HECW1: variants seen among roughly 807,000 people sequenced by gnomAD.
HECW1 encodes the protein HECT, C2 and WW domain containing E3 ubiquitin protein ligase 1.
In HECW1, 61 loss-of-function variants were observed where a neutral mutation model predicts 182.3. That is an observed-to-expected ratio of 0.33 (90% CI 0.27 to 0.41). The LOEUF (loss-of-function observed/expected upper bound fraction) is 0.41. Ranked by LOEUF, HECW1 falls within the 10% of genes least tolerant of loss-of-function variation. HECW1 has a pLI of 1.00. For missense variants in HECW1, 1,739 were observed against 2,108.9 expected (o/e 0.82, Z 3.44); for synonymous variants, 859 against 832.6 (o/e 1.03, Z -0.55).
intron 3 of HECW1, among the ~76,000 whole-genome samples, chr7:43,272,336 A>T (rs531870772): frequency 6.6e-6 from 1 of 152,282 alleles, no homozygotes; most frequent in East Asian, 1.9e-4. Context: ...GACAAGTGGA[A>T]CCTATTAAAC....
At chr7:43,129,745 GGAT>G (rs1786698947) in intron 2 of HECW1, among the ~76,000 whole-genome samples, 2 of 152,122 alleles carry the variant, frequency 1.3e-5, no homozygotes, top group African/African-American at 4.8e-5. Context: ...TATCCATGGG[GGAT>G]TAGTTCCAGG....
At chr7:43,140,384 CCTGT>C (rs1788032912) in intron 2 of HECW1, among the ~76,000 whole-genome samples, 1 of 152,086 alleles carries the variant, frequency 6.6e-6, no homozygotes, top group South Asian at 2.1e-4. Context: ...TCGTAAGTCT[CCTGT>C]CTCTTTTCTT....
chr7:43,527,963 C>T (rs1207831713), intron 24 of HECW1, among the ~76,000 whole-genome samples: 5 of 152,116 alleles, frequency 3.3e-5, no homozygotes, highest in South Asian at 2.1e-4. Flanking sequence ...GCTCAGACAA[C>T]GGTAAAATAG....
intron 1 of HECW1, chr7:43,113,672 G>GC (rs59300763): frequency 0.37 from 69,004 of 187,392 alleles, 13,600 homozygotes; most frequent in East Asian, 0.65. Flanking sequence ...GGGGCGGGGA[G>GC]GGGGGGGGAA....
intron 6 of HECW1, among the ~76,000 whole-genome samples, chr7:43,395,466 A>G (rs1257874328): frequency 2.0e-5 from 3 of 152,202 alleles, no homozygotes; most frequent in African/African-American, 7.2e-5. Context: ...CTCAGGACCT[A>G]TGAGAGTTTT....
chr7:43,546,468 A>G (rs1257480344), intron 26 of HECW1, among the ~76,000 whole-genome samples: 2 of 151,896 alleles, frequency 1.3e-5, no homozygotes, highest in Non-Finnish European at 2.9e-5. Context: ...CTTTCCATAG[A>G]GTGTCATGTG....
intron 6 of HECW1, among the ~76,000 whole-genome samples, chr7:43,362,922 C>T (rs1160769346): frequency 6.6e-6 from 1 of 152,218 alleles, no homozygotes; most frequent in Non-Finnish European, 1.5e-5. Context: ...GCTCAAGGCT[C>T]GTAGGGGAGA....
At chr7:43,410,852 C>T (rs2075777363) in intron 8 of HECW1, among the ~76,000 whole-genome samples, 1 of 151,888 alleles carries the variant, frequency 6.6e-6, no homozygotes, top group South Asian at 2.1e-4. Flanking sequence ...AAGGACAATA[C>T]CTCTTTCATT....
intron 24 of HECW1, among the ~76,000 whole-genome samples, chr7:43,525,922 C>T (rs1173551868): frequency 6.6e-6 from 1 of 152,174 alleles, no homozygotes; most frequent in African/African-American, 2.4e-5. Context: ...CCCTACTATC[C>T]AGACTTCTAG....
chr7:43,511,399 T>C (rs1247710615), intron 24 of HECW1: 1 of 152,276 alleles, frequency 6.6e-6, no homozygotes, highest in African/African-American at 2.4e-5. Context: ...GGAACCCTTA[T>C]GATTTAAAGC....
rs1800455709 is a variant in HECW1, at chr7:43,255,427, C to T, written c.27+11495C>T. Among the ~76,000 whole-genome samples the T allele has an allele frequency of 2.0e-5, 3 of 151,736 alleles. No homozygotes were observed. In the South Asian group the frequency reaches 6.2e-4, roughly 32 times the overall value. Reference sequence around the variant, plus strand: ...CAGCCTGGCCAACATGGTGAAACCCCCTCTCTACCAAAAATACAAAAATTA... The same window carrying T: ...CAGCCTGGCCAACATGGTGAAACCCTCTCTCTACCAAAAATACAAAAATTA... On this transcript the variant is annotated intron_variant, in intron 3 of 29. Coordinates refer to ENST00000395891, the MANE Select transcript of HECW1 (RefSeq NM_015052.5).
Position 43,432,222 on chromosome 7 carries a change from C to T in HECW1, c.802-5781C>T, listed in dbSNP as rs1325445725. ...TGGCGGGATCTCGGCTCACTGCAAG[C>T]TCCGCCTCCCGGGTTCACGCCATTC... is the stretch of plus-strand genomic sequence containing the variant. On this transcript the variant is annotated intron_variant, in intron 8 of 29. Coordinates refer to ENST00000395891, the MANE Select transcript of HECW1 (RefSeq NM_015052.5). This position sits in a 1 kb window ranked among gnomAD's most constrained non-coding sequence, Gnocchi z 4.1. Among the ~76,000 whole-genome samples, 3 of 149,432 alleles carry T rather than the reference C, an allele frequency of 2.0e-5. No individual in the cohort carries two copies. The highest frequency in any genetic ancestry group is 7.4e-5 in the African/African-American group (3 of 40,456).
intron 2 of HECW1, among the ~76,000 whole-genome samples, chr7:43,226,815 G>T (rs1797469142): frequency 6.6e-6 from 1 of 152,188 alleles, no homozygotes; most frequent in African/African-American, 2.4e-5. Context: ...GCACATGGGC[G>T]CCCTCTGCAT....
At position 43,548,594 on chromosome 7, in the gene HECW1, G is replaced by A. The variant is rs150624470; in HGVS notation, c.4249-1851G>A. 9.9e-5 allele frequency among the ~76,000 whole-genome samples: 15 copies of A among 152,276 alleles called. No individual in the cohort carries two copies. In the East Asian group the frequency reaches 2.9e-3, roughly 29 times the overall value. On this transcript the variant is annotated intron_variant, in intron 26 of 29. Coordinates refer to ENST00000395891, the MANE Select transcript of HECW1 (RefSeq NM_015052.5). Reference sequence around the variant, plus strand: ...AGGATTAGATTCAGCTACTAGTGAAGAAGCCAAAAATGACCCTGTTGAAAT... The same window carrying A: ...AGGATTAGATTCAGCTACTAGTGAAAAAGCCAAAAATGACCCTGTTGAAAT...
At chr7:43,129,234 A>G (rs567371304) in intron 2 of HECW1, among the ~76,000 whole-genome samples, 3 of 152,350 alleles carry the variant, frequency 2.0e-5, no homozygotes, top group Admixed American at 2.0e-4. Context: ...AGGAAGATTC[A>G]GTTGATGGGG....
chr7:43,405,516 G>A (rs946386087), intron 7 of HECW1, among the ~76,000 whole-genome samples: 4 of 152,300 alleles, frequency 2.6e-5, no homozygotes, highest in South Asian at 2.1e-4. Flanking sequence ...CGTGAACTGT[G>A]ACAGCACGTG....
chr7:43,514,187 A>G lies in HECW1; in HGVS notation c.4019+5066A>G, dbSNP rs10270998. Among the ~76,000 whole-genome samples the G allele has an allele frequency of 2.8e-3, 429 of 152,316 alleles. 6 individuals carry two copies. The East Asian group carries it at 0.034, about 12-fold the overall frequency. ...ACCACAAGAGCCTCTACATTTCAGGACATTCAACCCATCCACCAGAAATCT... is the reference window on the plus strand; with the variant it reads ...ACCACAAGAGCCTCTACATTTCAGGGCATTCAACCCATCCACCAGAAATCT... On this transcript the variant is annotated intron_variant, in intron 24 of 29. Coordinates refer to ENST00000395891, the MANE Select transcript of HECW1 (RefSeq NM_015052.5).
At chr7:43,372,913 G>A (rs1240669860) in intron 6 of HECW1, among the ~76,000 whole-genome samples, 2 of 152,206 alleles carry the variant, frequency 1.3e-5, no homozygotes, top group East Asian at 3.9e-4. Context: ...ATAGATGCCT[G>A]TTTAGTCTAC....
chr7:43,507,020 A>C, intron 21 of HECW1, 117 bp from the exon 22 acceptor site: 1 of 1,270,768 alleles, frequency 7.9e-7, no homozygotes, highest in Non-Finnish European at 1.0e-6. Flanking sequence ...CGGTAAGCCG[A>C]GAGCACACCA....
Sources: allele counts gnomAD v4.1 joint callset (sites outside exome capture counted in the v4.1 genomes callset), GRCh38; gene constraint gnomAD v4.1.1; non-coding constraint Gnocchi (gnomAD v3.1); transcripts MANE v1.5; gene names NCBI Gene and HGNC (gene_info 2026-07-23, HGNC 2026-07-21).